Variants in FARP1 observed in about 807,000 individuals in gnomAD.
The protein encoded by FARP1 is FERM, ARHGEF and pleckstrin domain-containing protein 1.
In FARP1, 52 loss-of-function variants were observed where a neutral mutation model predicts 128.8. The observed-to-expected ratio is 0.40, with a 90% confidence interval of 0.32 to 0.51. FARP1 has a LOEUF of 0.51. FARP1 is among the 20% of genes least tolerant of loss of function. The probability of loss-of-function intolerance (pLI) is 0.45; values close to 1 mark genes in which losing one functional copy is unlikely to be tolerated. For synonymous variants in FARP1, 580 were observed against 551.8 expected (o/e 1.05, Z -0.72); for missense variants, 1,333 against 1,367.9 (o/e 0.97, Z 0.40).
intron 1 of FARP1, among the ~76,000 whole-genome samples, chr13:98,147,797 C>T (rs1875680318): frequency 6.7e-6 from 1 of 148,966 alleles, no homozygotes; most frequent in Non-Finnish European, 1.5e-5. Flanking sequence ...GCTGTGACTA[C>T]AGACACATGC....
chr13:98,448,388 G>A lies in FARP1; in HGVS notation c.*71G>A, dbSNP rs1396124467. On this transcript the variant is annotated 3_prime_UTR_variant, in exon 27 of 27. Coordinates refer to ENST00000319562, the MANE Select transcript of FARP1 (RefSeq NM_005766.4). Reference sequence around the variant, plus strand: ...GTTTCCTTTCTTCTGTATTAATGAAGCCTGGTAAAATTAACACCTGTCTGA... The same window carrying A: ...GTTTCCTTTCTTCTGTATTAATGAAACCTGGTAAAATTAACACCTGTCTGA... 1.6e-6 allele frequency: 2 copies of A among 1,231,998 alleles called. No homozygotes were observed. Among genetic ancestry groups the A allele is most frequent in the Non-Finnish European group, 2.4e-6 (2 of 834,618 alleles). The allele number at this position is 1,231,998 out of a possible 1,614,324, so 76.3% of individuals were successfully genotyped here.
At chr13:98,372,243 C>T (rs1889375047) in intron 5 of FARP1, among the ~76,000 whole-genome samples, 2 of 152,064 alleles carry the variant, frequency 1.3e-5, no homozygotes, top group African/African-American at 2.4e-5. Context: ...CGTGCCACCA[C>T]ACCCAGCTAA....
intron 1 of FARP1, among the ~76,000 whole-genome samples, chr13:98,200,541 AGGTAC>A (rs1378146574): frequency 6.6e-6 from 1 of 152,176 alleles, no homozygotes; most frequent in East Asian, 1.9e-4. Context: ...TCCATCTTTT[AGGTAC>A]GGAGAATGAC....
intron 1 of FARP1, among the ~76,000 whole-genome samples, chr13:98,166,458 T>C (rs1178124691): frequency 1.3e-5 from 2 of 152,222 alleles, no homozygotes; most frequent in Non-Finnish European, 2.9e-5. Context: ...AAATATTAAC[T>C]TGTTTAATCC....
intron 3 of FARP1, among the ~76,000 whole-genome samples, chr13:98,361,744 T>C (rs1888881437): frequency 6.6e-6 from 1 of 152,162 alleles, no homozygotes; most frequent in Non-Finnish European, 1.5e-5. Flanking sequence ...CATTAGCCTG[T>C]CCCTGTCCCT....
chr13:98,384,769 A>G lies in FARP1; in HGVS notation c.536A>G (p.His179Arg), dbSNP rs1890033503. Residue 179 changes from histidine (H) to arginine (R), a missense_variant, in exon 7 of 27, where the codon CAC becomes CGC. His to Arg is a conservative substitution (Grantham distance 29, BLOSUM62 0). Coordinates refer to ENST00000319562, the MANE Select transcript of FARP1 (RefSeq NM_005766.4). The stretch of plus-strand genomic sequence containing the variant: ...TTTGATGAAGCCTTGGACAGAGAGC[A>G]CTTAGCAAAAAATAAATACATACCT... ...GDFDEALDRE[H>R]LAKNKYIPQQ... 6.2e-7 allele frequency: 1 copy of G among 1,613,672 alleles called. No homozygotes were observed. The highest frequency in any genetic ancestry group is 1.3e-5 in the African/African-American group (1 of 74,888).
chr13:98,395,286 C>G lies in FARP1; in HGVS notation c.1224C>G (p.Ser408Arg). 1 of 1,609,258 alleles carries G rather than the reference C, an allele frequency of 6.2e-7. No homozygotes were observed. Among genetic ancestry groups the G allele is most frequent in the Non-Finnish European group, 8.5e-7 (1 of 1,176,330 alleles). The change falls in exon 13 of 27, where the codon AGC (serine) becomes AGG (arginine). Residue 408 changes from serine to arginine, a missense_variant. This residue lies in a region of FARP1 where 1,009 missense variants were observed against 969.8 expected (regional missense o/e 1.04). Transcript: ENST00000319562. ...GEGAESPGGQ[S>R]CRRGKEPKVS... Reference sequence around the variant, plus strand: ...GTGCCGAATCTCCAGGGGGCCAGAGCTGCCGGCGAGGAAAGGAACCGAAGG... The same window carrying G: ...GTGCCGAATCTCCAGGGGGCCAGAGGTGCCGGCGAGGAAAGGAACCGAAGG...
chr13:98,257,351 G>GA (rs1374120326), intron 2 of FARP1, among the ~76,000 whole-genome samples: 1 of 152,128 alleles, frequency 6.6e-6, no homozygotes, highest in Non-Finnish European at 1.5e-5. Context: ...CTTTCTCACT[G>GA]ACACGTCTAA....
intron 8 of FARP1, 145 bp downstream of exon 8, chr13:98,385,959 TTC>T: frequency 1.2e-6 from 1 of 800,960 alleles, no homozygotes; most frequent in Admixed American, 2.9e-5. Flanking sequence ...ATCTCAGGCT[TTC>T]TGTTTCCCAG....
At chr13:98,336,000 C>T (rs1212510359) in intron 2 of FARP1, among the ~76,000 whole-genome samples, 1 of 152,116 alleles carries the variant, frequency 6.6e-6, no homozygotes, top group Non-Finnish European at 1.5e-5. Flanking sequence ...CCTTGTAAAC[C>T]TGGTCAAACA....
At chr13:98,360,611 C>A (rs991465155) in intron 3 of FARP1, among the ~76,000 whole-genome samples, 5 of 152,294 alleles carry the variant, frequency 3.3e-5, no homozygotes, top group Admixed American at 2.0e-4. Flanking sequence ...GGGGAATAAA[C>A]TTCTGTAGTT....
intron 24 of FARP1, among the ~76,000 whole-genome samples, chr13:98,442,936 G>A (rs1299054960): frequency 2.0e-5 from 3 of 152,254 alleles, no homozygotes; most frequent in Non-Finnish European, 1.5e-5. Context: ...GAGGCACCCA[G>A]GCCATTCAAC....
chr13:98,272,329 CAA>C (rs1884429144), intron 2 of FARP1, among the ~76,000 whole-genome samples: 4 of 152,096 alleles, frequency 2.6e-5, no homozygotes, highest in Admixed American at 1.3e-4. Context: ...CTCTCCTGGC[CAA>C]AATACATATT....
chr13:98,147,445 G>A (rs1254231852), intron 1 of FARP1, among the ~76,000 whole-genome samples: 1 of 152,018 alleles, frequency 6.6e-6, no homozygotes, highest in African/African-American at 2.4e-5. Context: ...AAAAAAAGAA[G>A]AGCCTCAGGC....
At chr13:98,377,991 A>C (rs1266102598) in intron 6 of FARP1, 73 bp downstream of exon 6, 1 of 1,124,444 alleles carries the variant, frequency 8.9e-7, no homozygotes, top group Non-Finnish European at 1.3e-6. Flanking sequence ...GAAAAAAATC[A>C]CATCCACCAA....
intron 2 of FARP1, among the ~76,000 whole-genome samples, chr13:98,305,167 C>A (rs1162139290): frequency 1.3e-5 from 2 of 148,268 alleles, no homozygotes; most frequent in Non-Finnish European, 3.0e-5. Context: ...TATTTATTTT[C>A]CTTGGGGAAA....
intron 16 of FARP1, among the ~76,000 whole-genome samples, chr13:98,418,538 G>A (rs899354933): frequency 3.3e-5 from 5 of 152,334 alleles, no homozygotes; most frequent in Middle Eastern, 3.4e-3. Flanking sequence ...GCCTCCCAGT[G>A]TTGGGATTAC....
At chr13:98,391,305 G>T (rs1890294947) in intron 11 of FARP1, among the ~76,000 whole-genome samples, 1 of 152,102 alleles carries the variant, frequency 6.6e-6, no homozygotes, top group Non-Finnish European at 1.5e-5. Context: ...TCAAAACAGG[G>T]TCTTGCTCTG....
chr13:98,427,023 G>C (rs185694064), intron 17 of FARP1, among the ~76,000 whole-genome samples: 3 of 152,178 alleles, frequency 2.0e-5, no homozygotes, highest in Admixed American at 1.3e-4. Context: ...CGTGGTGCTC[G>C]TGTGGAAACT....
Sources: gnomAD v4.1 joint callset for allele counts (sites outside exome capture counted in the v4.1 genomes callset) on GRCh38, gnomAD v4.1.1 for gene constraint, gnomAD v4.1.1 regional missense constraint, MANE v1.5 for transcripts, NCBI Gene and HGNC (gene_info 2026-07-23, HGNC 2026-07-21) for gene names.